CLCA1: variants seen among roughly 807,000 people sequenced by gnomAD.
CLCA1 encodes chloride channel accessory 1.
A neutral mutation model predicts 85.6 loss-of-function variants in CLCA1; 59 were observed. The ratio of observed to expected loss-of-function variants is 0.69; its 90% confidence interval spans 0.56 to 0.86. CLCA1 has a LOEUF of 0.86. CLCA1 is among the 40% of genes least tolerant of loss of function. The probability of loss-of-function intolerance (pLI) is 0.00; values close to 1 mark genes in which losing one functional copy is unlikely to be tolerated. For missense variants in CLCA1, 1,022 were observed against 1,101.4 expected (o/e 0.93, Z 1.02); for synonymous variants, 396 against 398.3 (o/e 0.99, Z 0.07).
At chr1:86,499,300 G>A (rs1303327321) in intron 13 of CLCA1, among the ~76,000 whole-genome samples, 1 of 152,214 alleles carries the variant, frequency 6.6e-6, no homozygotes, top group Non-Finnish European at 1.5e-5. Flanking sequence ...ACACATTACA[G>A]TTTGAGAAGC....
intron 4 of CLCA1, among the ~76,000 whole-genome samples, chr1:86,481,337 C>T (rs570015187): frequency 6.6e-6 from 1 of 152,010 alleles, no homozygotes; most frequent in Admixed American, 6.5e-5. Flanking sequence ...TTGGGTTTCG[C>T]CATGTTGCCC....
rs776802025 is a variant in CLCA1 at position 86,494,246 on chromosome 1, G to A, written c.1740G>A (p.Thr580=). 23 of 1,614,162 alleles carry A rather than the reference G, an allele frequency of 1.4e-5. No homozygotes were observed. Among genetic ancestry groups the A allele is most frequent in the African/African-American group, 6.7e-5 (5 of 75,054 alleles). Residue 580 remains threonine (T), a synonymous_variant, in exon 11 of 14, where the codon ACG becomes ACA. Transcript: ENST00000394711. The part of the protein sequence containing the change: ...ASSQTLTLTV[T]SRASNATLPP... The stretch of plus-strand genomic sequence containing the variant: ...CACAAACCTTGACCCTGACTGTCAC[G>A]TCCCGTGCGTCCAATGCTACCCTGC...
At chr1:86,489,702 T>C (rs1648084586) in intron 8 of CLCA1, among the ~76,000 whole-genome samples, 2 of 152,200 alleles carry the variant, frequency 1.3e-5, no homozygotes, top group South Asian at 4.1e-4. Flanking sequence ...CTTCACGTAT[T>C]GTGTGTCTAA....
In CLCA1 at chr1:86,482,216, G is replaced by A. The variant is rs747215949; in HGVS notation, c.569G>A (p.Gly190Asp). ...TCCTATATTTTCAGATGTTCAGCAGGTATTACTGGTACAAATGTAGTAAAG... is the reference window on the plus strand; with the variant it reads ...TCCTATATTTTCAGATGTTCAGCAGATATTACTGGTACAAATGTAGTAAAG... ...GRIQAVRCSA[G>D]ITGTNVVKKC... Residue 190 changes from glycine to aspartate, a missense_variant, in exon 5 of 14, where the codon GGT becomes GAT. By Grantham distance (94) the Gly-to-Asp change is moderately conservative (BLOSUM62 -1). Transcript: ENST00000394711. The A allele has an allele frequency of 2.5e-6, 4 of 1,613,270 alleles. No homozygotes were observed. The highest frequency in any genetic ancestry group is 3.3e-5 in the Admixed American group (2 of 59,976).
At chr1:86,488,748 G>A (rs1648053826) in intron 7 of CLCA1, among the ~76,000 whole-genome samples, 1 of 152,158 alleles carries the variant, frequency 6.6e-6, no homozygotes, top group Non-Finnish European at 1.5e-5. Flanking sequence ...TCCACCCCTA[G>A]AGTTGCCCTG....
At chr1:86,478,765 T>C (rs1237830422) in intron 4 of CLCA1, among the ~76,000 whole-genome samples, 2 of 152,384 alleles carry the variant, frequency 1.3e-5, no homozygotes, top group South Asian at 2.1e-4. Flanking sequence ...AGATAAGACA[T>C]GATCGCCATG....
At chr1:86,498,861 G>A (rs933649283) in intron 13 of CLCA1, 50 bp downstream of exon 13, 11 of 1,570,018 alleles carry the variant, frequency 7.0e-6, no homozygotes, top group Middle Eastern at 1.7e-4. Flanking sequence ...CAGCCAAGTA[G>A]AAGAGCAGAA....
At chr1:86,491,563 T>C (rs1165612809) in intron 9 of CLCA1, among the ~76,000 whole-genome samples, 192 bp downstream of exon 9, 1 of 152,232 alleles carries the variant, frequency 6.6e-6, no homozygotes, top group Non-Finnish European at 1.5e-5. Context: ...AATTAGTGTC[T>C]ACTTGTTTGG....
rs1558149844 is a variant in CLCA1, at chr1:86,500,079, AT to A, written c.*36del. On this transcript the variant is annotated 3_prime_UTR_variant, in exon 14 of 14. Transcript: ENST00000394711. ...TTTTGTCAGATAAATAAAATAAATC[AT>A]TCATCCTTTTTTTTGATTATAAAAT... The A allele has an allele frequency of 1.4e-6, 2 of 1,453,160 alleles. No individual in the cohort carries two copies. The allele number at this position is 1,453,160 out of a possible 1,614,324, so 90.0% of individuals were successfully genotyped here. A position where few individuals can be genotyped will look rare whatever the true frequency, so the allele number is the denominator to read the frequency against.
intron 4 of CLCA1, 31 bp from the exon 5 acceptor site, chr1:86,482,174 A>C: frequency 6.4e-7 from 1 of 1,553,640 alleles, no homozygotes; most frequent in Non-Finnish European, 8.9e-7. Flanking sequence ...TGACGACATC[A>C]CCTAAACATC....
chr1:86,469,224 C>T (rs748593336), intron 1 of CLCA1, 91 bp downstream of exon 1: 14 of 807,086 alleles, frequency 1.7e-5, no homozygotes, highest in Non-Finnish European at 2.2e-5. Flanking sequence ...CTGCACGACA[C>T]TGGCATGTAT....
Position 86,491,328 on chromosome 1 carries a change from C to T in CLCA1, c.1421C>T (p.Ala474Val). 1.2e-6 allele frequency: 2 copies of T among 1,613,586 alleles called. No individual in the cohort carries two copies. Among genetic ancestry groups the T allele is most frequent in the Non-Finnish European group, 1.7e-6 (2 of 1,179,676 alleles). Residue 474 changes from alanine to valine, a missense_variant, in exon 9 of 14, where the codon GCC becomes GTC. Transcript: ENST00000394711. Reference protein sequence around the residue: ...QNNGLIDAFGALSSGNGAVSQ... With the variant: ...QNNGLIDAFGVLSSGNGAVSQ... ...AATGGCCTCATTGATGCTTTTGGGG[C>T]CCTTTCATCAGGAAATGGAGCTGTC...
At chr1:86,490,157 T>C (rs5744383) in intron 8 of CLCA1, among the ~76,000 whole-genome samples, 1,728 of 152,220 alleles carry the variant, frequency 0.011, 29 homozygotes, top group African/African-American at 0.04. Context: ...CTGTGGACTG[T>C]CAGAACAGGG....
chr1:86,492,439 AG>A (rs1648161825), intron 9 of CLCA1, among the ~76,000 whole-genome samples: 1 of 152,150 alleles, frequency 6.6e-6, no homozygotes, highest in Non-Finnish European at 1.5e-5. Context: ...TAACAGAGAG[AG>A]AGAGAGAGAT....
intron 1 of CLCA1, among the ~76,000 whole-genome samples, chr1:86,470,610 G>A (rs1205354584): frequency 6.6e-6 from 1 of 152,040 alleles, no homozygotes; most frequent in Non-Finnish European, 1.5e-5. Context: ...CGTACTTCTC[G>A]CTACAATTAT....
At position 86,499,940 on chromosome 1, in the gene CLCA1, G is replaced by A. The variant is rs771181835; in HGVS notation, c.2640G>A (p.Thr880=). ...CAGAGACACCTAGTCCTGATGAAACGTCTGCTCCTTGTCCTAATATTCATA... is the reference window on the plus strand; with the variant it reads ...CAGAGACACCTAGTCCTGATGAAACATCTGCTCCTTGTCCTAATATTCATA... ...TPPETPSPDE[T]SAPCPNIHIN... is the part of the protein sequence containing the mutation. Residue 880 remains threonine, a synonymous_variant, in exon 14 of 14, where the codon ACG becomes ACA. Transcript: ENST00000394711. 4.3e-6 allele frequency: 7 copies of A among 1,613,438 alleles called. No homozygotes were observed. Among genetic ancestry groups the A allele is most frequent in the South Asian group, 2.2e-5 (2 of 91,068 alleles).
intron 4 of CLCA1, among the ~76,000 whole-genome samples, chr1:86,476,891 G>T (rs995475460): frequency 1.3e-5 from 2 of 152,012 alleles, no homozygotes; most frequent in East Asian, 3.9e-4. Context: ...AGGCTCTTCG[G>T]TGCCTTCAGG....
chr1:86,486,710 C>T lies in CLCA1; in HGVS notation c.1139C>T (p.Ser380Leu). The T allele has an allele frequency of 6.2e-7, 1 of 1,614,184 alleles. No individual in the cohort carries two copies. The highest frequency in any genetic ancestry group is 8.5e-7 in the Non-Finnish European group (1 of 1,180,014). The change falls in exon 7 of 14, where the codon TCA becomes TTA. Residue 380 changes from serine (S) to leucine (L), a missense_variant. By Grantham distance (145) the Ser-to-Leu change is moderately radical. Transcript: ENST00000394711. Reference sequence around the variant, plus strand: ...GCCAAAAGATTACCTGCAGCAGCTTCAGGAGGGACGTCCATCTGCAGCGGG... The same window carrying T: ...GCCAAAAGATTACCTGCAGCAGCTTTAGGAGGGACGTCCATCTGCAGCGGG... ...TLAKRLPAAA[S>L]GGTSICSGLR...
intron 9 of CLCA1, among the ~76,000 whole-genome samples, chr1:86,492,894 C>A (rs1648173122): frequency 6.6e-6 from 1 of 152,114 alleles, no homozygotes; most frequent in African/African-American, 2.4e-5. Context: ...TAGGGCGAAG[C>A]ACAATATGAT....
Sources: gnomAD v4.1 joint callset for allele counts (sites outside exome capture counted in the v4.1 genomes callset) on GRCh38, gnomAD v4.1.1 for gene constraint, MANE v1.5 for transcripts, NCBI Gene and HGNC (gene_info 2026-07-23, HGNC 2026-07-21) for gene names.